ZNF385D: variants seen among roughly 807,000 people sequenced by gnomAD.
ZNF385D encodes the protein zinc finger protein 385D.
In ZNF385D, 15 loss-of-function variants were observed where a neutral mutation model predicts 35.8. The observed-to-expected ratio is 0.42, with a 90% confidence interval of 0.28 to 0.64. The LOEUF is 0.64. ZNF385D is among the 30% of genes least tolerant of loss of function. ZNF385D has a pLI of 0.23. For missense variants in ZNF385D, 474 were observed against 494.6 expected, an observed-to-expected ratio of 0.96 and a Z score of 0.39; for synonymous variants, 212 against 186.8, an observed-to-expected ratio of 1.13 and a Z score of -1.10.
rs2125230875 is a variant in ZNF385D at position 21,417,567 on chromosome 3, A to G, written c.*3647T>C. ...TTCTTCAGAACAATTGAAACATTAC[A>G]CTGGTACAAAGACAAAGATATTAAT... On this transcript the variant is annotated 3_prime_UTR_variant, in exon 8 of 8. Transcript: ENST00000281523. 1 of 152,286 alleles carries G rather than the reference A, an allele frequency of 6.6e-6. No homozygotes were observed. The highest frequency in any genetic ancestry group is 1.5e-5 in the Non-Finnish European group (1 of 68,008). 9.4% of individuals were successfully genotyped at this position (152,286 alleles called of 1,614,324 possible). A position where few individuals can be genotyped will look rare whatever the true frequency, so the allele number is the denominator to read the frequency against.
At position 21,646,080 on chromosome 3, in the gene ZNF385D, C is replaced by G. The variant is rs1049240496; in HGVS notation, c.165+18806G>C. 6.6e-6 allele frequency among the ~76,000 whole-genome samples: 1 copy of G among 152,080 alleles called. No homozygotes were observed. The highest frequency in any genetic ancestry group is 2.4e-5 in the African/African-American group (1 of 41,408). On this transcript the variant is annotated intron_variant, in intron 2 of 7. Coordinates refer to ENST00000281523, the MANE Select transcript of ZNF385D (RefSeq NM_024697.3). The surrounding 1 kb of genome is among the most constrained non-coding windows in gnomAD (Gnocchi z 4.3). ...AAAATACCTAAAAAGAATGTGGAGG[C>G]TGAGGCCAAAGTGTCAGATAAGTTT...
At chr3:22,252,176 T>G (rs577533145) in intron 2 of ZNF385D, among the ~76,000 whole-genome samples, 1 of 152,076 alleles carries the variant, frequency 6.6e-6, no homozygotes, top group African/African-American at 2.4e-5. Context: ...GCCTCAGAAT[T>G]TCAAAGAATT....
chr3:21,892,954 T>C (rs1362014378), intron 3 of ZNF385D, among the ~76,000 whole-genome samples: 6 of 152,168 alleles, frequency 3.9e-5, no homozygotes, highest in African/African-American at 1.4e-4. Flanking sequence ...ACAATTTCTA[T>C]TGCGTGTATG....
At chr3:22,279,265 C>G (rs778957874) in intron 2 of ZNF385D, among the ~76,000 whole-genome samples, 1 of 151,902 alleles carries the variant, frequency 6.6e-6, no homozygotes, top group Non-Finnish European at 1.5e-5. Flanking sequence ...ACCCCTCCCA[C>G]TCTTTGCCCA....
chr3:21,645,608 GT>G (rs146944275), intron 2 of ZNF385D, among the ~76,000 whole-genome samples: 2,467 of 152,194 alleles, frequency 0.016, 65 homozygotes, highest in African/African-American at 0.056. Flanking sequence ...TTCTACAGAT[GT>G]TTTTTTGTGA....
At chr3:22,271,441 C>T (rs907275453) in intron 2 of ZNF385D, among the ~76,000 whole-genome samples, 26 of 151,906 alleles carry the variant, frequency 1.7e-4, no homozygotes, top group African/African-American at 6.3e-4. Flanking sequence ...GAGATAAAGA[C>T]AAGAAAACAA....
intron 2 of ZNF385D, among the ~76,000 whole-genome samples, chr3:22,257,828 T>C (rs926519639): frequency 1.3e-5 from 2 of 151,854 alleles, no homozygotes; most frequent in South Asian, 2.1e-4. Flanking sequence ...TAAATAAAAA[T>C]TCCTGGTGAC....
chr3:21,660,788 T>C (rs1375495914), intron 2 of ZNF385D, among the ~76,000 whole-genome samples: 2 of 152,168 alleles, frequency 1.3e-5, no homozygotes, highest in Non-Finnish European at 2.9e-5. Flanking sequence ...GGCTTTTAAA[T>C]TGTTTGTTTA....
intron 3 of ZNF385D, among the ~76,000 whole-genome samples, chr3:21,855,987 G>T (rs1376344762): frequency 6.6e-6 from 1 of 151,818 alleles, no homozygotes; most frequent in Admixed American, 6.6e-5. Context: ...TATCCTCTAA[G>T]TTTATGTGTA....
intron 1 of ZNF385D, among the ~76,000 whole-genome samples, chr3:21,711,518 C>T (rs1289975470): frequency 6.6e-6 from 1 of 152,116 alleles, no homozygotes; most frequent in Non-Finnish European, 1.5e-5. Context: ...AACGACAATT[C>T]TGTTAAAAGT....
At chr3:21,993,851 A>G (rs12494411) in intron 3 of ZNF385D, among the ~76,000 whole-genome samples, 16,423 of 152,162 alleles carry the variant, frequency 0.11, 1,179 homozygotes, top group South Asian at 0.26. Context: ...TGGTTATACC[A>G]CAGCTGAAAA....
At chr3:21,787,886 G>C (rs543635690) in intron 3 of ZNF385D, among the ~76,000 whole-genome samples, 1 of 147,318 alleles carries the variant, frequency 6.8e-6, no homozygotes, top group South Asian at 2.2e-4. Flanking sequence ...AGCTTGCAGA[G>C]AGGCGAGATC....
In ZNF385D at chr3:21,561,101, C is replaced by A. The variant is rs934392354; in HGVS notation, c.276+3473G>T. 2.0e-5 allele frequency among the ~76,000 whole-genome samples: 3 copies of A among 152,188 alleles called. No individual in the cohort carries two copies. The East Asian group carries it at 5.8e-4, about 29-fold the overall frequency. On this transcript the variant is annotated intron_variant, in intron 3 of 7. Coordinates refer to ENST00000281523, the MANE Select transcript of ZNF385D (RefSeq NM_024697.3). Reference sequence around the variant, plus strand: ...CTGGGCTCTGAGGGGGTGGGACCCCCGAGCCAGACCACTTGGTTCTCTGAC... The same window carrying A: ...CTGGGCTCTGAGGGGGTGGGACCCCAGAGCCAGACCACTTGGTTCTCTGAC...
chr3:21,629,097 T>TA (rs1052751587), intron 2 of ZNF385D, among the ~76,000 whole-genome samples: 9 of 151,926 alleles, frequency 5.9e-5, no homozygotes, highest in East Asian at 3.9e-4. Context: ...GGCCTTTTTT[T>TA]AAAAAAAATT....
In ZNF385D at chr3:22,282,975, GT is replaced by G. The variant is rs534512103; in HGVS notation, c.106+89474del. On this transcript the variant is annotated intron_variant, in intron 2 of 5. Coordinates refer to the ZNF385D transcript ENST00000494108. Reference sequence around the variant, plus strand: ...ACATATAAGAACTCATAAACTTAAGGTAAAGGGGTGGACAAAGATATTCCAT... The same window carrying G: ...ACATATAAGAACTCATAAACTTAAGGAAAGGGGTGGACAAAGATATTCCAT... Among the ~76,000 whole-genome samples the G allele has an allele frequency of 9.9e-5, 15 of 152,072 alleles. No individual in the cohort carries two copies. The East Asian group carries it at 2.9e-3, about 29-fold the overall frequency.
intron 3 of ZNF385D, among the ~76,000 whole-genome samples, chr3:21,824,652 G>A (rs965817955): frequency 1.3e-5 from 2 of 152,092 alleles, no homozygotes; most frequent in African/African-American, 4.8e-5. Context: ...TGATAAAGAA[G>A]GGTGATGAAG....
At chr3:22,353,015 G>A (rs950272015) in intron 2 of ZNF385D, among the ~76,000 whole-genome samples, 1 of 152,244 alleles carries the variant, frequency 6.6e-6, no homozygotes, top group Non-Finnish European at 1.5e-5. Flanking sequence ...TTTCTAGATG[G>A]TTCCTTATTC....
At chr3:21,571,305 T>C (rs1044611246) in intron 2 of ZNF385D, among the ~76,000 whole-genome samples, 16 of 152,218 alleles carry the variant, frequency 1.1e-4, no homozygotes, top group African/African-American at 3.4e-4. Context: ...TTTGTTGCTA[T>C]ATAGTATTCC....
chr3:22,235,762 G>A (rs1699143704), intron 2 of ZNF385D, among the ~76,000 whole-genome samples: 1 of 152,102 alleles, frequency 6.6e-6, no homozygotes, highest in Admixed American at 6.6e-5. Flanking sequence ...AATACTGTGT[G>A]CTAATAAAGG....
Sources: allele counts gnomAD v4.1 joint callset (sites outside exome capture counted in the v4.1 genomes callset), GRCh38; gene constraint gnomAD v4.1.1; non-coding constraint Gnocchi (gnomAD v3.1); transcripts MANE v1.5; gene names NCBI Gene and HGNC (gene_info 2026-07-23, HGNC 2026-07-21).